Variants in FRMD6 observed in about 807,000 individuals in gnomAD.
FRMD6 encodes FERM domain containing 6.
Under a neutral mutation model 73.2 loss-of-function variants are expected in FRMD6, and 37 were observed. That is an observed-to-expected ratio of 0.51 (90% confidence interval 0.39 to 0.66). FRMD6 has a LOEUF of 0.66. FRMD6 is among the 30% of genes least tolerant of loss of function. The pLI is 0.00. For missense variants in FRMD6, 714 were observed against 780.5 expected (o/e 0.91, Z 1.02); for synonymous variants, 273 against 282.2 (o/e 0.97, Z 0.33).
chr14:51,569,467 T>G (rs1887976488), intron 1 of FRMD6, among the ~76,000 whole-genome samples: 1 of 151,986 alleles, frequency 6.6e-6, no homozygotes, highest in African/African-American at 2.4e-5. Context: ...TTATTGTCAC[T>G]TTCTATTTAA....
chr14:51,597,943 A>C (rs746745293), intron 2 of FRMD6, among the ~76,000 whole-genome samples: 1 of 152,154 alleles, frequency 6.6e-6, no homozygotes, highest in Non-Finnish European at 1.5e-5. Context: ...AACAAGGATG[A>C]TTCAAAACAG....
intron 2 of FRMD6, among the ~76,000 whole-genome samples, chr14:51,694,772 C>CT (rs1949540990): frequency 6.6e-6 from 1 of 152,144 alleles, no homozygotes; most frequent in African/African-American, 2.4e-5. Flanking sequence ...CTATATAGCA[C>CT]TTTTTAACAT....
chr14:51,530,464 T>G (rs1596545619), intron 1 of FRMD6, among the ~76,000 whole-genome samples: 1 of 152,184 alleles, frequency 6.6e-6, no homozygotes, highest in African/African-American at 2.4e-5. Flanking sequence ...ATATATTTAT[T>G]TATTTGTGAG....
intron 2 of FRMD6, chr14:51,584,055 ATATACTTATAACAC>A (rs917211116): frequency 6.6e-6 from 1 of 152,224 alleles, no homozygotes; most frequent in African/African-American, 2.4e-5. Flanking sequence ...TAGTGCATTC[ATATACTTATAACAC>A]TAGAAGGACC....
rs548747598 is a variant in FRMD6 at position 51,692,464 on chromosome 14, G to T, written c.99+2529G>T. On this transcript the variant is annotated intron_variant, in intron 2 of 13. Coordinates refer to ENST00000344768, the MANE Select transcript of FRMD6 (RefSeq NM_001267046.2). ...CTCTCACTTTCATTTGTCTTTTTAC[G>T]TGGTGCAATGTGTGTGTGTGTGTGT... 4.1e-5 allele frequency among the ~76,000 whole-genome samples: 4 copies of T among 96,994 alleles called. No homozygotes were observed. In the South Asian group the frequency reaches 1.7e-3, roughly 42 times the overall value. The allele number at this position is 96,994 out of a possible 152,430, so 63.6% of individuals were successfully genotyped here.
At chr14:51,629,032 A>G (rs183878498) in intron 2 of FRMD6, among the ~76,000 whole-genome samples, 2,009 of 151,118 alleles carry the variant, frequency 0.013, 17 homozygotes, top group Middle Eastern at 0.031. Context: ...GCCCGCCACC[A>G]CGCCCGGCTA....
At chr14:51,543,426 A>G (rs2139384385) in intron 1 of FRMD6, among the ~76,000 whole-genome samples, 1 of 152,078 alleles carries the variant, frequency 6.6e-6, no homozygotes, top group East Asian at 1.9e-4. Context: ...AAAACTGCTA[A>G]GTAGAAATTG....
At chr14:51,691,210 G>T (rs1895539458) in intron 2 of FRMD6, among the ~76,000 whole-genome samples, 1 of 152,074 alleles carries the variant, frequency 6.6e-6, no homozygotes, top group South Asian at 2.1e-4. Context: ...TTACATTGTT[G>T]TGTGATATTC....
chr14:51,653,606 T>C (rs1390398887), intron 1 of FRMD6, among the ~76,000 whole-genome samples: 2 of 152,074 alleles, frequency 1.3e-5, no homozygotes, highest in East Asian at 1.9e-4. Context: ...TACCAGGACC[T>C]ACAGGATGGA....
At chr14:51,596,356 G>A (rs2025024) in intron 2 of FRMD6, among the ~76,000 whole-genome samples, 88,573 of 151,744 alleles carry the variant, frequency 0.58, 26,092 homozygotes, top group East Asian at 0.66. Context: ...ATTTCAGGGA[G>A]TATTGCACTG....
At chr14:51,665,096 C>A (rs765902111) in intron 1 of FRMD6, among the ~76,000 whole-genome samples, 1 of 152,156 alleles carries the variant, frequency 6.6e-6, no homozygotes, top group African/African-American at 2.4e-5. Flanking sequence ...AGTTTGGCTG[C>A]AGACATGTTT....
chr14:51,675,413 A>T (rs1361480795), intron 1 of FRMD6, among the ~76,000 whole-genome samples: 1 of 151,910 alleles, frequency 6.6e-6, no homozygotes, highest in Non-Finnish European at 1.5e-5. Context: ...CTTTGTTAGG[A>T]TAGAAGTGTC....
intron 2 of FRMD6, among the ~76,000 whole-genome samples, chr14:51,570,743 G>T (rs936534817): frequency 3.9e-5 from 6 of 152,212 alleles, no homozygotes; most frequent in African/African-American, 1.4e-4. Flanking sequence ...TAGGCCAAAG[G>T]AATAGAAAAT....
chr14:51,525,118 G>A (rs1183506211), intron 1 of FRMD6, among the ~76,000 whole-genome samples: 1 of 149,768 alleles, frequency 6.7e-6, no homozygotes, highest in South Asian at 2.1e-4. Flanking sequence ...TAGATAGATA[G>A]ATAGAGACAG....
At chr14:51,655,663 A>G (rs1207307740) in intron 1 of FRMD6, among the ~76,000 whole-genome samples, 1 of 152,218 alleles carries the variant, frequency 6.6e-6, no homozygotes, top group Non-Finnish European at 1.5e-5. Context: ...TAAGTATTTA[A>G]AACAAGGCTG....
At chr14:51,558,869 C>T (rs1281999907) in intron 1 of FRMD6, among the ~76,000 whole-genome samples, 2 of 152,196 alleles carry the variant, frequency 1.3e-5, no homozygotes, top group Non-Finnish European at 2.9e-5. Context: ...CCTCCAGCAT[C>T]AGCCCCACCC....
chr14:51,410,674 A>AC, the FRMD6 span, among the ~76,000 whole-genome samples: 3 of 152,206 alleles, frequency 2.0e-5, no homozygotes, highest in African/African-American at 7.2e-5. Flanking sequence ...CCCCAAATCT[A>AC]CCACCCAAAG....
At chr14:51,607,813 G>T (rs1434297258) in intron 2 of FRMD6, among the ~76,000 whole-genome samples, 1 of 152,168 alleles carries the variant, frequency 6.6e-6, no homozygotes, top group Non-Finnish European at 1.5e-5. Flanking sequence ...CCCCTTTCCC[G>T]GTTTCTGCCG....
At chr14:51,432,786 G>T in the FRMD6 span, among the ~76,000 whole-genome samples, 2 of 152,154 alleles carry the variant, frequency 1.3e-5, no homozygotes, top group Middle Eastern at 3.2e-3. Context: ...TGGGTGCTGG[G>T]TGTATGAATA....
Sources: allele counts gnomAD v4.1 joint callset (sites outside exome capture counted in the v4.1 genomes callset), GRCh38; gene constraint gnomAD v4.1.1; transcripts MANE v1.5; gene names NCBI Gene and HGNC (gene_info 2026-07-23, HGNC 2026-07-21).